FBXO36: variants seen among roughly 807,000 people sequenced by gnomAD.
FBXO36 encodes the protein F-box only protein 36.
FBXO36 carries 18 observed loss-of-function variants against 17.0 expected under a neutral mutation model. The ratio of observed to expected loss-of-function variants is 1.06; its 90% confidence interval spans 0.73 to 1.57. The LOEUF (loss-of-function observed/expected upper bound fraction) is 1.57. Ranked by LOEUF, FBXO36 falls within the 40% of genes most tolerant of loss-of-function variation. FBXO36 has a pLI of 0.00. For synonymous variants in FBXO36, 83 were observed against 85.3 expected (o/e 0.97, Z 0.15); for missense variants, 229 against 221.9 (o/e 1.03, Z -0.20).
chr2:229,958,550 C>T (rs888837515), intron 1 of FBXO36, among the ~76,000 whole-genome samples: 51 of 152,040 alleles, frequency 3.4e-4, no homozygotes, highest in African/African-American at 1.2e-3. Flanking sequence ...ATTACAGGCG[C>T]GAGCCACCGC....
chr2:229,932,125 T>C (rs924332950), intron 1 of FBXO36, among the ~76,000 whole-genome samples: 4 of 152,020 alleles, frequency 2.6e-5, no homozygotes, highest in Non-Finnish European at 5.9e-5. Context: ...GTCACACCTG[T>C]AATCCCAGCA....
At chr2:229,942,872 A>G (rs2077007006) in intron 1 of FBXO36, 2 of 152,180 alleles carry the variant, frequency 1.3e-5, no homozygotes, top group Non-Finnish European at 1.5e-5. Flanking sequence ...ATCATGTGGT[A>G]GGAGCTGATG....
At position 229,931,918 on chromosome 2, in the gene FBXO36, A is replaced by ATTTTTTTTTTTTTTTTTTT. The variant is rs11441584; in HGVS notation, c.96+9310_96+9311insTTTTTTTTTTTTTTTTTTT. Among the ~76,000 whole-genome samples the ATTTTTTTTTTTTTTTTTTT allele has an allele frequency of 1.4e-5, 2 of 142,770 alleles. 1 individual carries two copies. 93.7% of individuals were successfully genotyped at this position (142,770 alleles called of 152,430 possible). A position where few individuals can be genotyped will look rare whatever the true frequency, so the allele number is the denominator to read the frequency against. ...TGGTTTTTTGCTTGTATATGTGTATATATTTTTTTTTTTTTTTAGACAGGG... is the reference window on the plus strand; with the variant it reads ...TGGTTTTTTGCTTGTATATGTGTATATTTTTTTTTTTTTTTTTTTTATTTTTTTTTTTTTTTAGACAGGG... On this transcript the variant is annotated intron_variant, in intron 1 of 3. Transcript: ENST00000283946.
rs181307905 is a variant in FBXO36, at chr2:229,998,991, A to T, written c.378+2068A>T. On this transcript the variant is annotated intron_variant, in intron 3 of 3. Transcript: ENST00000283946. ...CTAATTTTTTGTATTTTTAGTAGAGACGGGGTTTCACCGTGTTAGCCAGGA... is the reference window on the plus strand; with the variant it reads ...CTAATTTTTTGTATTTTTAGTAGAGTCGGGGTTTCACCGTGTTAGCCAGGA... 5.1e-3 allele frequency among the ~76,000 whole-genome samples: 769 copies of T among 151,240 alleles called. 6 individuals carry two copies. The highest frequency in any genetic ancestry group is 0.017 in the African/African-American group (718 of 41,240).
intron 2 of FBXO36, among the ~76,000 whole-genome samples, chr2:229,980,783 G>T (rs181302110): frequency 5.3e-5 from 8 of 152,218 alleles, no homozygotes; most frequent in Admixed American, 5.2e-4. Flanking sequence ...AGAGTTGAGG[G>T]ATTCAGCCAA....
At chr2:229,932,319 G>A (rs1352306524) in intron 1 of FBXO36, among the ~76,000 whole-genome samples, 5 of 152,124 alleles carry the variant, frequency 3.3e-5, no homozygotes, top group African/African-American at 4.8e-5. Flanking sequence ...TCAGGAGTTC[G>A]AGACCAGCCT....
chr2:229,963,400 C>T (rs1481706062), intron 1 of FBXO36, among the ~76,000 whole-genome samples: 2 of 149,760 alleles, frequency 1.3e-5, no homozygotes, highest in Admixed American at 6.7e-5. Flanking sequence ...CCAGTAATAC[C>T]TCAATGAAGA....
At chr2:229,991,439 A>G (rs2106206526) in intron 2 of FBXO36, among the ~76,000 whole-genome samples, 1 of 152,280 alleles carries the variant, frequency 6.6e-6, no homozygotes, top group East Asian at 1.9e-4. Flanking sequence ...ATCTGATAGA[A>G]TTGGTGTTCT....
chr2:229,950,636 G>A (rs1476111988), intron 1 of FBXO36, among the ~76,000 whole-genome samples: 7 of 152,136 alleles, frequency 4.6e-5, no homozygotes, highest in South Asian at 4.1e-4. Flanking sequence ...TCCACAGAAC[G>A]GAATGAGAGC....
intron 1 of FBXO36, among the ~76,000 whole-genome samples, chr2:229,973,911 G>C (rs752634823): frequency 4.0e-5 from 6 of 151,556 alleles, no homozygotes; most frequent in Non-Finnish European, 8.8e-5. Context: ...TAGCCTTGTG[G>C]TGGTGGCACG....
At chr2:229,976,480 T>C in intron 2 of FBXO36, 131 bp downstream of exon 2, 1 of 637,946 alleles carries the variant, frequency 1.6e-6, no homozygotes, top group Non-Finnish European at 2.7e-6. Context: ...TATACAATGT[T>C]AGATTCTTAA....
rs58999886 is a variant in FBXO36, at chr2:229,982,778, C to CA, written c.205+6450dup. 3.7e-3 allele frequency among the ~76,000 whole-genome samples: 291 copies of CA among 78,704 alleles called. 4 individuals are homozygous for CA. Among genetic ancestry groups the CA allele is most frequent in the African/African-American group, 0.012 (259 of 20,990 alleles). The allele number at this position is 78,704 out of a possible 152,430, so 51.6% of individuals were successfully genotyped here. On this transcript the variant is annotated intron_variant, in intron 2 of 3. Coordinates refer to ENST00000283946, the MANE Select transcript of FBXO36 (RefSeq NM_174899.5). ...CCCAAGACAGAGCAAGAGCTTGTCT[C>CA]AAAAAAAAAAAAAAAAAAAAAGGAT...
rs141807747 is a variant in FBXO36, at chr2:229,944,066, T to A, written c.96+21457T>A. Reference sequence around the variant, plus strand: ...CTTCCCCTTCACCTTCCATCATGATTGTTAAGTTTCCAGAGGCCTCCCCAG... The same window carrying A: ...CTTCCCCTTCACCTTCCATCATGATAGTTAAGTTTCCAGAGGCCTCCCCAG... On this transcript the variant is annotated intron_variant, in intron 1 of 3. Coordinates refer to ENST00000283946, the MANE Select transcript of FBXO36 (RefSeq NM_174899.5). Among the ~76,000 whole-genome samples the A allele has an allele frequency of 2.2e-3, 339 of 152,240 alleles. 4 individuals are homozygous for A. The highest frequency in any genetic ancestry group is 7.8e-3 in the African/African-American group (326 of 41,540).
chr2:229,998,536 C>T (rs1034332875), intron 3 of FBXO36, among the ~76,000 whole-genome samples: 6 of 151,710 alleles, frequency 4.0e-5, no homozygotes, highest in South Asian at 2.1e-4. Flanking sequence ...GCAGGAGAAT[C>T]GCTTGAACCC....
intron 1 of FBXO36, among the ~76,000 whole-genome samples, chr2:229,924,241 C>A (rs13392740): frequency 6.6e-6 from 1 of 152,008 alleles, no homozygotes; most frequent in Non-Finnish European, 1.5e-5. Flanking sequence ...TACAGGCGTG[C>A]GCCACCACAC....
At chr2:229,950,839 C>T (rs2077053962) in intron 1 of FBXO36, among the ~76,000 whole-genome samples, 1 of 151,378 alleles carries the variant, frequency 6.6e-6, no homozygotes, top group African/African-American at 2.4e-5. Flanking sequence ...TCACTGCAAC[C>T]ACTGTCTTCT....
intron 1 of FBXO36, among the ~76,000 whole-genome samples, chr2:229,930,327 T>C (rs374809832): frequency 6.6e-6 from 1 of 152,276 alleles, no homozygotes; most frequent in East Asian, 1.9e-4. Context: ...CTGAACAGAA[T>C]GAGACCCTGT....
intron 1 of FBXO36, among the ~76,000 whole-genome samples, chr2:229,967,788 A>C (rs537935433): frequency 3.3e-5 from 5 of 152,320 alleles, no homozygotes; most frequent in African/African-American, 7.2e-5. Flanking sequence ...CCAGTATTTT[A>C]TTGAGGACTT....
intron 1 of FBXO36, among the ~76,000 whole-genome samples, chr2:229,923,644 A>T (rs1164805387): frequency 6.6e-6 from 1 of 151,756 alleles, no homozygotes; most frequent in Non-Finnish European, 1.5e-5. Flanking sequence ...AAGATTTAGA[A>T]ATATTACAAA....
Sources: allele counts gnomAD v4.1 joint callset (sites outside exome capture counted in the v4.1 genomes callset), GRCh38; gene constraint gnomAD v4.1.1; transcripts MANE v1.5; gene names NCBI Gene and HGNC (gene_info 2026-07-23, HGNC 2026-07-21).